The following GDA variants were observed in gnomAD, a reference collection of about 807,000 sequenced individuals.
GDA encodes guanine deaminase.
In GDA, 18 loss-of-function variants were observed where a neutral mutation model predicts 59.6. That is an observed-to-expected ratio of 0.30 (90% CI 0.21 to 0.45). The LOEUF is 0.45. GDA is among the 20% of genes least tolerant of loss of function. GDA has a pLI of 1.00. For synonymous variants in GDA, 201 were observed against 201.1 expected, an observed-to-expected ratio of 1.00 and a Z score of 0.00; for missense variants, 427 against 552.3, an observed-to-expected ratio of 0.77 and a Z score of 2.27.
chr9:72,231,111 C>A lies in GDA; in HGVS notation c.921-3C>A. The stretch of plus-strand genomic sequence containing the variant: ...CTTGTTCTGACATCTCCTCTCTCTA[C>A]AGGCTCAGCAGTGGATTTCTAAATG... On this transcript the variant is annotated splice_region_variant and splice_polypyrimidine_tract_variant and intron_variant, in intron 9 of 13. Coordinates refer to ENST00000358399, the MANE Select transcript of GDA (RefSeq NM_004293.5). The A allele has an allele frequency of 6.4e-7, 1 of 1,555,268 alleles. No homozygotes were observed. Among genetic ancestry groups the A allele is most frequent in the Non-Finnish European group, 8.9e-7 (1 of 1,126,330 alleles).
chr9:72,210,550 C>G, intron 3 of GDA, 137 bp from the exon 4 acceptor site: 1 of 598,798 alleles, frequency 1.7e-6, no homozygotes, highest in Non-Finnish European at 3.0e-6. Flanking sequence ...ATTTACCTAA[C>G]TGTACTCTAC....
chr9:72,165,475 G>C (rs540550345), intron 1 of GDA, among the ~76,000 whole-genome samples: 2 of 152,140 alleles, frequency 1.3e-5, no homozygotes, highest in East Asian at 3.9e-4. Context: ...TAAATGTGAG[G>C]TTGTTTGAAA....
chr9:72,254,394 T>C (rs771904024), downstream of GDA, among the ~76,000 whole-genome samples: 5 of 151,842 alleles, frequency 3.3e-5, no homozygotes, highest in African/African-American at 9.7e-5. Flanking sequence ...AATTCTTCAA[T>C]GGTAACTAAA....
chr9:72,230,699 A>G (rs1838237774), intron 9 of GDA, among the ~76,000 whole-genome samples: 1 of 152,080 alleles, frequency 6.6e-6, no homozygotes, highest in South Asian at 2.1e-4. Context: ...CTACTCATTC[A>G]GGGTAACAAA....
At position 72,245,244 on chromosome 9, in the gene GDA, T is replaced by A. The variant is rs746516033; in HGVS notation, c.1232T>A (p.Leu411Gln). ...NPKASDSPID[L>Q]FYGDFFGDIS... ...AAAGCATCCGACTCTCCCATTGACCTGTTTTATGGGGACTTTTTTGGTGAT... is the reference window on the plus strand; with the variant it reads ...AAAGCATCCGACTCTCCCATTGACCAGTTTTATGGGGACTTTTTTGGTGAT... The change falls in exon 12 of 14, where the codon CTG becomes CAG. Residue 411 changes from leucine to glutamine, a missense_variant. Transcript: ENST00000358399. The A allele has an allele frequency of 3.7e-6, 6 of 1,610,726 alleles. No individual in the cohort carries two copies. Among genetic ancestry groups the A allele is most frequent in the Non-Finnish European group, 5.1e-6 (6 of 1,177,054 alleles).
chr9:72,153,977 A>T (rs1369500470), intron 1 of GDA, among the ~76,000 whole-genome samples: 1 of 152,144 alleles, frequency 6.6e-6, no homozygotes, highest in African/African-American at 2.4e-5. Flanking sequence ...AAAAAAATAT[A>T]GACTCTAACA....
At chr9:72,255,798 T>C (rs187710908), downstream of GDA, among the ~76,000 whole-genome samples, 3 of 152,326 alleles carry the variant, frequency 2.0e-5, no homozygotes, top group East Asian at 1.9e-4. Flanking sequence ...GTTTGTTTAT[T>C]TATTAAAGCT....
At chr9:72,191,353 G>A (rs961795640) in intron 1 of GDA, among the ~76,000 whole-genome samples, 6 of 152,018 alleles carry the variant, frequency 3.9e-5, no homozygotes, top group Admixed American at 3.9e-4. Flanking sequence ...TGTATGTTAA[G>A]TAAAAGACAA....
intron 1 of GDA, among the ~76,000 whole-genome samples, chr9:72,170,134 A>G (rs1190905979): frequency 6.6e-6 from 1 of 152,242 alleles, no homozygotes; most frequent in Non-Finnish European, 1.5e-5. Flanking sequence ...TGCCGTAAAA[A>G]TACAACAGTA....
downstream of GDA, chr9:72,253,460 G>T (rs1418433173): frequency 2.6e-5 from 4 of 152,030 alleles, no homozygotes; most frequent in Admixed American, 2.0e-4. Flanking sequence ...GACTCTAACT[G>T]CCCTGGGAAA....
Position 72,201,527 on chromosome 9 carries a change from A to G in GDA, c.213-1044A>G, listed in dbSNP as rs544870718. Among the ~76,000 whole-genome samples the G allele has an allele frequency of 4.6e-5, 7 of 152,270 alleles. No homozygotes were observed. In the South Asian group the frequency reaches 1.2e-3, roughly 27 times the overall value. On this transcript the variant is annotated intron_variant, in intron 2 of 13. Transcript: ENST00000358399. ...GTTTTAAAATAAAGCATTTAGAGTT[A>G]CTCATGGCTTTATTTGGCTTACAGT...
At chr9:72,205,438 GA>G (rs1834573727) in intron 3 of GDA, among the ~76,000 whole-genome samples, 2 of 152,232 alleles carry the variant, frequency 1.3e-5, no homozygotes, top group South Asian at 4.2e-4. Flanking sequence ...GTTGTGGAAA[GA>G]AAAACTTCAC....
chr9:72,201,192 A>AGTT (rs371187137), intron 2 of GDA, among the ~76,000 whole-genome samples: 113 of 131,292 alleles, frequency 8.6e-4, no homozygotes, highest in African/African-American at 2.7e-3. Flanking sequence ...AGTCACACAG[A>AGTT]ATTTTTTTTT....
At chr9:72,117,421 T>C (rs1587284659) in intron 1 of GDA, among the ~76,000 whole-genome samples, 1 of 151,990 alleles carries the variant, frequency 6.6e-6, no homozygotes, top group East Asian at 1.9e-4. Flanking sequence ...TCTCTCTCTT[T>C]CTCCCCATCT....
intron 2 of GDA, among the ~76,000 whole-genome samples, chr9:72,199,994 CTTTT>C (rs1271694156): frequency 6.7e-5 from 8 of 119,846 alleles, no homozygotes; most frequent in Non-Finnish European, 8.6e-5. Context: ...TGAATCCTTT[CTTTT>C]TTTTTTTTTT....
chr9:72,171,980 A>G lies in GDA; in HGVS notation c.123+22298A>G, dbSNP rs1044518835. 4.6e-5 allele frequency among the ~76,000 whole-genome samples: 7 copies of G among 152,210 alleles called. No individual in the cohort carries two copies. In the South Asian group the frequency reaches 1.0e-3, roughly 23 times the overall value. On this transcript the variant is annotated intron_variant, in intron 1 of 13. Transcript: ENST00000358399. ...AATGCGATTAAGTAACAGGTTGCCA[A>G]TGTTACACAGCTGATACATGCTACA...
downstream of GDA, among the ~76,000 whole-genome samples, chr9:72,259,096 C>T (rs1353083782): frequency 1.3e-5 from 2 of 150,870 alleles, no homozygotes; most frequent in South Asian, 2.1e-4. Context: ...ACGATCTCGG[C>T]TCACTGCAAC....
At chr9:72,115,521 T>C (rs1162636636) in intron 1 of GDA, among the ~76,000 whole-genome samples, 1 of 152,208 alleles carries the variant, frequency 6.6e-6, no homozygotes, top group Non-Finnish European at 1.5e-5. Flanking sequence ...TCAGCTATAA[T>C]TAAGAAAAAA....
At position 72,214,009 on chromosome 9, in the gene GDA, C is replaced by T. The variant is rs1416518262; in HGVS notation, c.578+18C>T. On this transcript the variant is annotated intron_variant, in intron 5 of 13. Coordinates refer to ENST00000358399, the MANE Select transcript of GDA (RefSeq NM_004293.5). ...ACTGAGAGGTAAAAGGCCCATTTGTCTTGATTTGTCTTACAGGTGAATTCC... is the reference window on the plus strand; with the variant it reads ...ACTGAGAGGTAAAAGGCCCATTTGTTTTGATTTGTCTTACAGGTGAATTCC... The T allele has an allele frequency of 7.7e-7, 1 of 1,297,632 alleles. No homozygotes were observed. The highest frequency in any genetic ancestry group is 1.5e-5 in the African/African-American group (1 of 68,744). The allele number at this position is 1,297,632 out of a possible 1,614,324, so 80.4% of individuals were successfully genotyped here. A position where few individuals can be genotyped will look rare whatever the true frequency, so the allele number is the denominator to read the frequency against.
Sources: gnomAD v4.1 joint callset for allele counts (sites outside exome capture counted in the v4.1 genomes callset) on GRCh38, gnomAD v4.1.1 for gene constraint, MANE v1.5 for transcripts, NCBI Gene and HGNC (gene_info 2026-07-23, HGNC 2026-07-21) for gene names.